Variants in CACNA1I observed in about 807,000 individuals in gnomAD.
CACNA1I encodes the protein calcium voltage-gated channel subunit alpha1 I.
CACNA1I carries 74 observed loss-of-function variants against 201.6 expected under a neutral mutation model. The ratio of observed to expected loss-of-function variants is 0.37; its 90% confidence interval spans 0.30 to 0.45. The LOEUF (loss-of-function observed/expected upper bound fraction) is 0.45, where lower values mean the gene tolerates loss of function less well. CACNA1I is among the 20% of genes least tolerant of loss of function. The pLI is 1.00. For missense variants in CACNA1I, 2,346 were observed against 3,138.1 expected (o/e 0.75, Z 6.03); for synonymous variants, 1,431 against 1,345.2 (o/e 1.06, Z -1.40).
intron 32 of CACNA1I, 23 bp downstream of exon 32, chr22:39,679,468 T>C (rs7288746): frequency 0.84 from 1,170,861 of 1,400,082 alleles, 491,393 homozygotes; most frequent in East Asian, 1. Flanking sequence ...TGGAGAGGTG[T>C]GAGGGTCGCC....
At chr22:39,573,475 A>G (rs1932249698) in intron 1 of CACNA1I, among the ~76,000 whole-genome samples, 1 of 151,992 alleles carries the variant, frequency 6.6e-6, no homozygotes, top group African/African-American at 2.4e-5. Context: ...GGGGTGGTCA[A>G]GTCCTGTCTG....
At chr22:39,580,545 G>C (rs2145804231) in intron 1 of CACNA1I, among the ~76,000 whole-genome samples, 1 of 152,320 alleles carries the variant, frequency 6.6e-6, no homozygotes, top group East Asian at 1.9e-4. Flanking sequence ...CCTGGGTCTT[G>C]CTGTATAAAT....
intron 23 of CACNA1I, 41 bp from the exon 24 acceptor site, chr22:39,668,249 TCA>T (rs764551308): frequency 1.6e-6 from 2 of 1,253,626 alleles, no homozygotes; most frequent in South Asian, 1.2e-5. Context: ...CTGGAGTCAC[TCA>T]CAGTCCTCAC....
At chr22:39,617,399 G>T (rs1380387013) in intron 3 of CACNA1I, among the ~76,000 whole-genome samples, 3 of 152,160 alleles carry the variant, frequency 2.0e-5, no homozygotes, top group Non-Finnish European at 2.9e-5. Context: ...GCTCTCCCTA[G>T]GGACTGACTC....
At chr22:39,653,242 C>T (rs1467545593) in intron 10 of CACNA1I, among the ~76,000 whole-genome samples, 1 of 152,162 alleles carries the variant, frequency 6.6e-6, no homozygotes, top group African/African-American at 2.4e-5. Flanking sequence ...ACACCACCAC[C>T]CCTGGGTGCA....
intron 4 of CACNA1I, among the ~76,000 whole-genome samples, chr22:39,632,906 G>A (rs1934104370): frequency 6.7e-6 from 1 of 149,784 alleles, no homozygotes. Flanking sequence ...CTCTCGGTGG[G>A]GTGAAGCAGC....
chr22:39,577,101 A>G (rs1320528378), intron 1 of CACNA1I, among the ~76,000 whole-genome samples: 1 of 151,776 alleles, frequency 6.6e-6, no homozygotes, highest in Non-Finnish European at 1.5e-5. Flanking sequence ...ACAGGCACTC[A>G]CCACCACACC....
intron 3 of CACNA1I, among the ~76,000 whole-genome samples, chr22:39,608,807 G>A (rs1336526575): frequency 6.6e-6 from 1 of 151,884 alleles, no homozygotes; most frequent in Non-Finnish European, 1.5e-5. Context: ...GTGACAGAGT[G>A]AGATCCTGTC....
At chr22:39,667,406 AG>A (rs962123831) in intron 23 of CACNA1I, among the ~76,000 whole-genome samples, 3 of 152,148 alleles carry the variant, frequency 2.0e-5, no homozygotes, top group African/African-American at 7.2e-5. Context: ...AGGAGCGCAG[AG>A]GGGGGTGAGA....
chr22:39,673,826 G>C, intron 28 of CACNA1I, 137 bp from the exon 29 acceptor site: 1 of 717,296 alleles, frequency 1.4e-6, no homozygotes, highest in Non-Finnish European at 2.3e-6. Flanking sequence ...CTTGTAATGT[G>C]GTATCTGAGA....
chr22:39,684,695 C>T lies in CACNA1I; in HGVS notation c.6027+197C>T, dbSNP rs1464167701. On this transcript the variant is annotated intron_variant, in intron 36 of 36. Coordinates refer to ENST00000402142, the MANE Select transcript of CACNA1I (RefSeq NM_021096.4). This position sits in a 1 kb window ranked among gnomAD's most constrained non-coding sequence, Gnocchi z 4.6. ...GTGGCACTGGGGCGGATGGAGTGGG[C>T]GGGGCTGGGTCCTGGGGACAGCAGA... 1.0e-5 allele frequency: 4 copies of T among 397,254 alleles called. No individual in the cohort carries two copies. In the East Asian group the frequency reaches 1.8e-4, roughly 17 times the overall value. 24.6% of individuals were successfully genotyped at this position (397,254 alleles called of 1,614,324 possible).
chr22:39,658,407 G>A (rs924806318), intron 11 of CACNA1I, 104 bp downstream of exon 11: 64 of 1,067,416 alleles, frequency 6.0e-5, no homozygotes, highest in Admixed American at 9.3e-5. Context: ...GTGGAAACCC[G>A]TTGCACTGAA....
At chr22:39,603,598 C>T (rs558205805) in intron 3 of CACNA1I, among the ~76,000 whole-genome samples, 1 of 152,142 alleles carries the variant, frequency 6.6e-6, no homozygotes, top group African/African-American at 2.4e-5. Flanking sequence ...TCACCTGAAT[C>T]TCCTTATATA....
In CACNA1I at chr22:39,649,655, G is replaced by T. The variant is rs969612274; in HGVS notation, c.1722G>T (p.Gln574His). 4.6e-6 allele frequency: 7 copies of T among 1,518,014 alleles called. No individual in the cohort carries two copies. In the African/African-American group the frequency reaches 9.7e-5, roughly 21 times the overall value. The allele number at this position is 1,518,014 out of a possible 1,614,324, so 94.0% of individuals were successfully genotyped here. A position where few individuals can be genotyped will look rare whatever the true frequency, so the allele number is the denominator to read the frequency against. ...GCCTGGGCAGCACCGACTCGGGCCAGGAGGGCTCGGGCTCCGGGAGCTCCG... is the reference window on the plus strand; with the variant it reads ...GCCTGGGCAGCACCGACTCGGGCCATGAGGGCTCGGGCTCCGGGAGCTCCG... ...PSGLGSTDSG[Q>H]EGSGSGSSAG... Residue 574 changes from glutamine to histidine, a missense_variant, in exon 10 of 37, where the codon CAG (glutamine) becomes CAT (histidine). Coordinates refer to ENST00000402142, the MANE Select transcript of CACNA1I (RefSeq NM_021096.4). The surrounding 1 kb of genome is among the most constrained non-coding windows in gnomAD (Gnocchi z 7.3).
At chr22:39,589,991 C>T (rs532168907) in intron 1 of CACNA1I, among the ~76,000 whole-genome samples, 1 of 152,170 alleles carries the variant, frequency 6.6e-6, no homozygotes, top group Non-Finnish European at 1.5e-5. Flanking sequence ...TCCCAGAGCC[C>T]CCCGAATCAC....
chr22:39,638,714 G>T (rs1262127695), intron 5 of CACNA1I, among the ~76,000 whole-genome samples: 2 of 151,930 alleles, frequency 1.3e-5, no homozygotes, highest in Non-Finnish European at 2.9e-5. Flanking sequence ...AGTTATGGGA[G>T]ATTTTCATAT....
chr22:39,678,187 C>T, intron 31 of CACNA1I, 79 bp downstream of exon 31: 1 of 1,511,050 alleles, frequency 6.6e-7, no homozygotes, highest in South Asian at 1.3e-5. Context: ...GCTCAGGGCT[C>T]TGCCCACCCA....
intron 1 of CACNA1I, among the ~76,000 whole-genome samples, chr22:39,591,906 G>A (rs1932826964): frequency 6.6e-6 from 1 of 152,216 alleles, no homozygotes; most frequent in African/African-American, 2.4e-5. Flanking sequence ...AGACACTCAG[G>A]GGCACTGAAG....
chr22:39,588,377 CTTTCTTTCTTT>C (rs1374960150), intron 1 of CACNA1I, among the ~76,000 whole-genome samples: 13 of 135,524 alleles, frequency 9.6e-5, no homozygotes, highest in African/African-American at 3.7e-4. Flanking sequence ...TTCTTTCTTT[CTTTCTTTCTTT>C]TTTTTTTTTT....
Sources: allele counts gnomAD v4.1 joint callset (sites outside exome capture counted in the v4.1 genomes callset), GRCh38; gene constraint gnomAD v4.1.1; non-coding constraint Gnocchi (gnomAD v3.1); transcripts MANE v1.5; gene names NCBI Gene and HGNC (gene_info 2026-07-23, HGNC 2026-07-21).